DOK6: variants seen among roughly 807,000 people sequenced by gnomAD.
The protein encoded by DOK6 is downstream of tyrosine kinase 6.
DOK6 carries 22 observed loss-of-function variants against 44.0 expected under a neutral mutation model. The ratio of observed to expected loss-of-function variants is 0.50; its 90% CI spans 0.36 to 0.71. The LOEUF (loss-of-function observed/expected upper bound fraction) is 0.71. Among genes scored for constraint, DOK6 ranks in the 30% least tolerant of loss-of-function variants. DOK6 has a pLI of 0.00. For synonymous variants in DOK6, 166 were observed against 145.5 expected (o/e 1.14, Z -1.01); for missense variants, 340 against 416.4 (o/e 0.82, Z 1.60).
At chr18:69,493,842 C>G (rs1022849941) in intron 1 of DOK6, among the ~76,000 whole-genome samples, 10 of 152,072 alleles carry the variant, frequency 6.6e-5, no homozygotes, top group Non-Finnish European at 1.3e-4. Flanking sequence ...CAATCATTGA[C>G]AAACAACACT....
At chr18:69,455,219 A>T (rs1248120814) in intron 1 of DOK6, among the ~76,000 whole-genome samples, 1 of 151,996 alleles carries the variant, frequency 6.6e-6, no homozygotes, top group East Asian at 1.9e-4. Flanking sequence ...AACCAAGCTG[A>T]AATTCATTAA....
chr18:69,822,388 T>C (rs757096037), intron 7 of DOK6, among the ~76,000 whole-genome samples: 23 of 152,210 alleles, frequency 1.5e-4, no homozygotes, highest in Non-Finnish European at 2.6e-4. Flanking sequence ...TTATTACTCA[T>C]AGCAATTGCA....
chr18:69,514,056 A>G (rs146711969), intron 1 of DOK6, among the ~76,000 whole-genome samples: 3 of 152,258 alleles, frequency 2.0e-5, no homozygotes, highest in African/African-American at 7.2e-5. Context: ...AAAAATCAAT[A>G]TATGCAAAAT....
chr18:69,804,255 A>G (rs1980989075), intron 7 of DOK6, among the ~76,000 whole-genome samples: 1 of 152,178 alleles, frequency 6.6e-6, no homozygotes, highest in African/African-American at 2.4e-5. Flanking sequence ...ACGAAAAAAC[A>G]AGACTTTTAA....
intron 3 of DOK6, among the ~76,000 whole-genome samples, chr18:69,671,399 A>G (rs72963436): frequency 0.032 from 4,925 of 152,346 alleles, 112 homozygotes; most frequent in South Asian, 0.08. Context: ...AGGTGGTAAC[A>G]CATTTCCTTG....
At chr18:69,668,881 A>T (rs1210412036) in intron 3 of DOK6, among the ~76,000 whole-genome samples, 6 of 152,180 alleles carry the variant, frequency 3.9e-5, no homozygotes, top group Non-Finnish European at 8.8e-5. Context: ...TTGTAATTAA[A>T]AGTACTTTGT....
At chr18:69,787,025 G>A (rs1980450889) in intron 7 of DOK6, among the ~76,000 whole-genome samples, 1 of 152,182 alleles carries the variant, frequency 6.6e-6, no homozygotes, top group Non-Finnish European at 1.5e-5. Flanking sequence ...AGACCAGCCT[G>A]GCCAACATGG....
chr18:69,635,967 G>A (rs997354351), intron 3 of DOK6, among the ~76,000 whole-genome samples: 2 of 152,226 alleles, frequency 1.3e-5, no homozygotes, highest in Non-Finnish European at 2.9e-5. Flanking sequence ...TCTGCTGCAA[G>A]CTTTCTGTCC....
At chr18:69,826,545 G>A (rs1031800993) in intron 7 of DOK6, among the ~76,000 whole-genome samples, 2 of 152,108 alleles carry the variant, frequency 1.3e-5, no homozygotes, top group African/African-American at 2.4e-5. Context: ...ACCTAGAAAA[G>A]TGTTCTCCTA....
intron 1 of DOK6, among the ~76,000 whole-genome samples, chr18:69,557,048 C>T (rs1982704417): frequency 6.6e-6 from 1 of 152,180 alleles, no homozygotes. Context: ...GTCTGATACA[C>T]AGTTATAAAT....
chr18:69,827,449 A>G (rs1981773725), intron 7 of DOK6, among the ~76,000 whole-genome samples: 1 of 152,122 alleles, frequency 6.6e-6, no homozygotes, highest in Non-Finnish European at 1.5e-5. Flanking sequence ...TCTCTGAAAA[A>G]TTAATCTAAT....
At chr18:69,577,693 T>C (rs1983270454) in intron 2 of DOK6, among the ~76,000 whole-genome samples, 1 of 152,116 alleles carries the variant, frequency 6.6e-6, no homozygotes, top group Non-Finnish European at 1.5e-5. Flanking sequence ...TAGAGAGATG[T>C]TCTGGTTATG....
chr18:69,559,989 A>G (rs1194430943), intron 1 of DOK6, among the ~76,000 whole-genome samples: 1 of 152,252 alleles, frequency 6.6e-6, no homozygotes, highest in African/African-American at 2.4e-5. Context: ...TCCAAATACT[A>G]GCACCTTGGG....
At chr18:69,741,946 C>A (rs948148415) in intron 6 of DOK6, among the ~76,000 whole-genome samples, 1 of 152,162 alleles carries the variant, frequency 6.6e-6, no homozygotes, top group Non-Finnish European at 1.5e-5. Flanking sequence ...ACAACCATTT[C>A]TTACTATGAA....
At chr18:69,573,346 A>T (rs990130136) in intron 2 of DOK6, among the ~76,000 whole-genome samples, 2 of 151,916 alleles carry the variant, frequency 1.3e-5, no homozygotes, top group Admixed American at 1.3e-4. Context: ...AACTACACAG[A>T]CTTTTTAAAT....
intron 7 of DOK6, among the ~76,000 whole-genome samples, chr18:69,785,190 A>G (rs1183703318): frequency 1.3e-5 from 2 of 152,200 alleles, no homozygotes; most frequent in Non-Finnish European, 2.9e-5. Context: ...TAATATAGTA[A>G]AGAAGATAAG....
intron 7 of DOK6, among the ~76,000 whole-genome samples, chr18:69,822,871 A>G (rs1408874627): frequency 6.6e-6 from 1 of 152,230 alleles, no homozygotes. Flanking sequence ...GTTTTTTTAA[A>G]AAAGAAATAG....
chr18:69,804,656 C>T (rs1981001930), intron 7 of DOK6, among the ~76,000 whole-genome samples: 1 of 152,110 alleles, frequency 6.6e-6, no homozygotes, highest in Admixed American at 6.5e-5. Context: ...ACATTTAGGA[C>T]AATGATTTTT....
intron 1 of DOK6, among the ~76,000 whole-genome samples, chr18:69,465,643 T>A (rs1025069307): frequency 6.6e-6 from 1 of 151,122 alleles, no homozygotes; most frequent in Non-Finnish European, 1.5e-5. Flanking sequence ...AACTCATCAT[T>A]TTTTATGGCT....
Sources: allele counts gnomAD v4.1 joint callset (sites outside exome capture counted in the v4.1 genomes callset), GRCh38; gene constraint gnomAD v4.1.1; transcripts MANE v1.5; gene names NCBI Gene and HGNC (gene_info 2026-07-23, HGNC 2026-07-21).